SMURF2: variants seen among roughly 807,000 people sequenced by gnomAD.
SMURF2 encodes SMAD specific E3 ubiquitin protein ligase 2.
SMURF2 carries 48 observed loss-of-function variants against 109.6 expected under a neutral mutation model. That is an observed-to-expected ratio of 0.44 (90% CI 0.35 to 0.56). The LOEUF is 0.56. Among genes scored for constraint, SMURF2 ranks in the 20% least tolerant of loss-of-function variants. The probability of loss-of-function intolerance (pLI) is 0.01; values close to 1 mark genes in which losing one functional copy is unlikely to be tolerated. For synonymous variants in SMURF2, 288 were observed against 317.1 expected, an observed-to-expected ratio of 0.91 and a Z score of 0.97; for missense variants, 575 against 909.0, an observed-to-expected ratio of 0.63 and a Z score of 4.72.
intron 11 of SMURF2, 149 bp from the exon 12 acceptor site, chr17:64,561,752 T>C (rs1969223333): frequency 1.7e-6 from 1 of 584,602 alleles, no homozygotes; most frequent in African/African-American, 1.9e-5. Flanking sequence ...ATCCCAACAC[T>C]TTGGGAGGCT....
At position 64,580,869 on chromosome 17, in the gene SMURF2, C is replaced by T. The variant is rs1470645863; in HGVS notation, c.692G>A (p.Arg231Lys). ...GQSSDPRLAE[R>K]RVRSQRHRNY... ...TCTATGTCGTTGTGACCTGACTCTC[C>T]TCTCTGCCAGCCTGGGATCTGAAGA... Residue 231 changes from arginine (R) to lysine (K), a missense_variant, in exon 8 of 19, where the codon AGG becomes AAG. Coordinates refer to ENST00000262435, the MANE Select transcript of SMURF2 (RefSeq NM_022739.4). 6 of 1,614,174 alleles carry T rather than the reference C, an allele frequency of 3.7e-6. No individual in the cohort carries two copies. The highest frequency in any genetic ancestry group is 5.1e-6 in the Non-Finnish European group (6 of 1,180,032).
intron 8 of SMURF2, among the ~76,000 whole-genome samples, chr17:64,579,678 A>C (rs1555686368): frequency 6.6e-6 from 1 of 152,220 alleles, no homozygotes. Flanking sequence ...TTACTATGCC[A>C]GACACTGTGC....
intron 1 of SMURF2, among the ~76,000 whole-genome samples, chr17:64,659,589 T>C (rs1239848306): frequency 6.6e-6 from 1 of 151,336 alleles, no homozygotes; most frequent in East Asian, 1.9e-4. Context: ...CAAGATGGAC[T>C]GAGAAGTTGG....
intron 1 of SMURF2, among the ~76,000 whole-genome samples, chr17:64,619,811 C>T (rs1057480653): frequency 3.3e-5 from 5 of 152,074 alleles, no homozygotes; most frequent in Admixed American, 6.6e-5. Flanking sequence ...CCTTCAAATA[C>T]CATCACATTG....
chr17:64,578,623 G>T, intron 8 of SMURF2, 47 bp from the exon 9 acceptor site: 1 of 1,296,658 alleles, frequency 7.7e-7, no homozygotes, highest in Non-Finnish European at 1.1e-6. Context: ...AGAGTGTCCA[G>T]ATCAAAGACA....
intron 1 of SMURF2, among the ~76,000 whole-genome samples, chr17:64,615,937 C>G (rs781785789): frequency 1.1e-4 from 16 of 152,116 alleles, no homozygotes; most frequent in Non-Finnish European, 1.9e-4. Context: ...TCAAGTGATT[C>G]TCATGCCTCA....
intron 1 of SMURF2, among the ~76,000 whole-genome samples, chr17:64,657,018 G>A (rs1025925037): frequency 2.0e-5 from 3 of 152,130 alleles, no homozygotes; most frequent in Admixed American, 1.3e-4. Context: ...TAGCCATAAA[G>A]AACACATGCA....
intron 14 of SMURF2, 55 bp downstream of exon 14, chr17:64,555,764 TA>T (rs1555683975): frequency 6.8e-5 from 85 of 1,244,940 alleles, no homozygotes; most frequent in Non-Finnish European, 8.4e-5. Flanking sequence ...TTTTGAAACA[TA>T]TTTTTTTTTA....
chr17:64,655,649 GGCCAAGGTGGGCAGATCA>G (rs1006144042), intron 1 of SMURF2, among the ~76,000 whole-genome samples: 1 of 151,990 alleles, frequency 6.6e-6, no homozygotes, highest in African/African-American at 2.4e-5. Flanking sequence ...GAAATTGGGA[GGCCAAGGTGGGCAGATCA>G]CTTGAGGTCA....
At position 64,586,138 on chromosome 17, in the gene SMURF2, C is replaced by T; in HGVS notation, c.433G>A (p.Gly145Arg). The change falls in exon 6 of 19, where the codon GGA (glycine) becomes AGA (arginine). Residue 145 changes from glycine (G) to arginine (R), a missense_variant. By Grantham distance (125) the Gly-to-Arg change is moderately radical (BLOSUM62 -2). This residue lies in a region of SMURF2 where 151 missense variants were observed against 178.4 expected (regional missense o/e 0.85). Transcript: ENST00000262435. ...CGACTGCAGTCCACAACTTGTCCTC[C>T]TGTGCCTATTCGGTCTCTGGACTGA... ...SLQSRDRIGT[G>R]GQVVDCSRLF... is the part of the protein sequence containing the mutation. 6.2e-7 allele frequency: 1 copy of T among 1,610,108 alleles called. No individual in the cohort carries two copies. Among genetic ancestry groups the T allele is most frequent in the Non-Finnish European group, 8.5e-7 (1 of 1,178,662 alleles).
At chr17:64,645,014 A>AAC (rs1344616220) in intron 1 of SMURF2, among the ~76,000 whole-genome samples, 1 of 151,964 alleles carries the variant, frequency 6.6e-6, no homozygotes, top group Non-Finnish European at 1.5e-5. Context: ...CTCAAAAAAA[A>AAC]AAAACAAAAC....
At position 64,598,410 on chromosome 17, in the gene SMURF2, C is replaced by T; in HGVS notation, c.172G>A (p.Asp58Asn). Residue 58 changes from aspartate (D) to asparagine (N), a missense_variant, in exon 3 of 19, where the codon GAT becomes AAT. Transcript: ENST00000262435. Reference protein sequence around the residue: ...HSTDTVKNTLDPKWNQHYDLY... With the variant: ...HSTDTVKNTLNPKWNQHYDLY... ...TCATAATGCTGATTCCACTTTGGAT[C>T]AAGCGTATTCTTCACAGTATCTGTA... 5 of 1,606,488 alleles carry T rather than the reference C, an allele frequency of 3.1e-6. No homozygotes were observed. Among genetic ancestry groups the T allele is most frequent in the Non-Finnish European group, 4.2e-6 (5 of 1,177,410 alleles).
At chr17:64,629,298 T>A (rs569860844) in intron 1 of SMURF2, among the ~76,000 whole-genome samples, 2 of 152,170 alleles carry the variant, frequency 1.3e-5, no homozygotes, top group Non-Finnish European at 2.9e-5. Context: ...CCCAGGAGTT[T>A]GAGACCAGCT....
At chr17:64,633,548 A>G (rs187798609) in intron 1 of SMURF2, among the ~76,000 whole-genome samples, 137 of 152,344 alleles carry the variant, frequency 9.0e-4, no homozygotes, top group African/African-American at 3.2e-3. Flanking sequence ...AGTAAGAATA[A>G]CCATTAAATA....
chr17:64,602,957 T>C (rs1301230467), intron 2 of SMURF2, among the ~76,000 whole-genome samples: 2 of 151,674 alleles, frequency 1.3e-5, no homozygotes, highest in African/African-American at 4.8e-5. Flanking sequence ...TTGTCTCAAT[T>C]CTCCCCCATC....
At chr17:64,566,561 G>GTTTGTTTGTTTGTTTTT (rs1969305868) in intron 10 of SMURF2, among the ~76,000 whole-genome samples, 1 of 43,784 alleles carries the variant, frequency 2.3e-5, no homozygotes, top group African/African-American at 7.5e-5. Context: ...AAGCTTTCTG[G>GTTTGTTTGTTTGTTTTT]TTTTTTTTTT....
At chr17:64,600,709 A>G (rs539905195) in intron 2 of SMURF2, among the ~76,000 whole-genome samples, 4 of 152,202 alleles carry the variant, frequency 2.6e-5, no homozygotes, top group Non-Finnish European at 5.9e-5. Context: ...CTAACCATTT[A>G]TAAATGTGTT....
At chr17:64,615,986 C>T (rs1438088193) in intron 1 of SMURF2, among the ~76,000 whole-genome samples, 1 of 152,060 alleles carries the variant, frequency 6.6e-6, no homozygotes, top group East Asian at 1.9e-4. Context: ...TGCGCCACCA[C>T]ACTCGGCTAA....
chr17:64,626,030 T>A (rs1156625760), intron 1 of SMURF2, among the ~76,000 whole-genome samples: 14 of 152,094 alleles, frequency 9.2e-5, no homozygotes, highest in Non-Finnish European at 1.8e-4. Flanking sequence ...TCCCAGCACC[T>A]TGGGAAGCCG....
Sources: gnomAD v4.1 joint callset for allele counts (sites outside exome capture counted in the v4.1 genomes callset) on GRCh38, gnomAD v4.1.1 for gene constraint, gnomAD v4.1.1 regional missense constraint, MANE v1.5 for transcripts, NCBI Gene and HGNC (gene_info 2026-07-23, HGNC 2026-07-21) for gene names.